ADAMTS4: variants seen among roughly 807,000 people sequenced by gnomAD.
ADAMTS4 encodes ADAM metallopeptidase with thrombospondin type 1 motif 4, also known as A disintegrin and metalloproteinase with thrombospondin motifs 4.
Under a neutral mutation model 66.7 loss-of-function variants are expected in ADAMTS4, and 38 were observed. The observed-to-expected ratio is 0.57, with a 90% CI of 0.44 to 0.75. The LOEUF is 0.75. ADAMTS4 is among the 30% of genes least tolerant of loss of function. The probability of loss-of-function intolerance (pLI) is 0.00; values close to 1 mark genes in which losing one functional copy is unlikely to be tolerated. For missense variants in ADAMTS4, 1,014 were observed against 1,116.7 expected, an observed-to-expected ratio of 0.91 and a Z score of 1.31; for synonymous variants, 418 against 461.5, an observed-to-expected ratio of 0.91 and a Z score of 1.21.
At position 161,188,042 on chromosome 1, in the gene ADAMTS4, C is replaced by G. The variant is rs1664576592; in HGVS notation, c.*3096G>C. ...TCGGCTCACTGCAACCTCCACCTCC[C>G]AGGTTCAAGCGATCCTCCTGCCTCA... On this transcript the variant is annotated 3_prime_UTR_variant, in exon 9 of 9. Coordinates refer to ENST00000367996, the MANE Select transcript of ADAMTS4 (RefSeq NM_005099.6). 6.6e-6 allele frequency: 1 copy of G among 150,990 alleles called. No homozygotes were observed. Among genetic ancestry groups the G allele is most frequent in the Admixed American group, 6.6e-5 (1 of 15,112 alleles). The allele number at this position is 150,990 out of a possible 1,614,324, so 9.4% of individuals were successfully genotyped here.
At position 161,196,802 on chromosome 1, in the gene ADAMTS4, G is replaced by T; in HGVS notation, c.712C>A (p.Leu238Ile). The T allele has an allele frequency of 2.5e-6, 4 of 1,611,910 alleles. No homozygotes were observed. The highest frequency in any genetic ancestry group is 2.5e-6 in the Non-Finnish European group (3 of 1,179,988). The change falls in exon 2 of 9, where the codon CTA (leucine) becomes ATA (isoleucine). Residue 238 changes from leucine (L) to isoleucine (I), a missense_variant. Leu to Ile is a conservative substitution (Grantham distance 5, BLOSUM62 2). Coordinates refer to ENST00000367996, the MANE Select transcript of ADAMTS4 (RefSeq NM_005099.6). Reference protein sequence around the residue: ...DKMAAFHGAGLKRYLLTVMAA... With the variant: ...DKMAAFHGAGIKRYLLTVMAA... ...ATCACTGTTAGCAGGTAGCGCTTTA[G>T]CCCCGCACCGTGGAATGCGGCCATC...
In ADAMTS4 at chr1:161,196,783, G is replaced by A. The variant is rs1398314770; in HGVS notation, c.731C>T (p.Thr244Ile). 45 of 1,612,738 alleles carry A rather than the reference G, an allele frequency of 2.8e-5. No individual in the cohort carries two copies. Among genetic ancestry groups the A allele is most frequent in the African/African-American group, 4.0e-5 (3 of 74,946 alleles). ...GGCCTTGGCTGCTGCTGCCATCACT[G>A]TTAGCAGGTAGCGCTTTAGCCCCGC... ...HGAGLKRYLL[T>I]VMAAAAKAFK... The change falls in exon 2 of 9, where the codon ACA becomes ATA. Residue 244 changes from threonine (T) to isoleucine (I), a missense_variant. Transcript: ENST00000367996.
rs1664629118 is a variant in ADAMTS4 at position 161,190,197 on chromosome 1, A to G, written c.*941T>C. On this transcript the variant is annotated 3_prime_UTR_variant, in exon 9 of 9. Coordinates refer to ENST00000367996, the MANE Select transcript of ADAMTS4 (RefSeq NM_005099.6). ...GTGAAACCCCGTCTCTACTAAAAAT[A>G]CAAAAATTAGCCGGGCGTGGTGGTA... The G allele has an allele frequency of 6.6e-6, 1 of 152,240 alleles. No homozygotes were observed. The highest frequency in any genetic ancestry group is 1.5e-5 in the Non-Finnish European group (1 of 68,068). 9.4% of individuals were successfully genotyped at this position (152,240 alleles called of 1,614,324 possible).
chr1:161,195,181 A>G (rs188673133), intron 4 of ADAMTS4, among the ~76,000 whole-genome samples: 142 of 152,300 alleles, frequency 9.3e-4, no homozygotes, highest in Middle Eastern at 3.4e-3. Flanking sequence ...CAAGGTAATC[A>G]CCTCCTTCAT....
At position 161,198,983 on chromosome 1, in the gene ADAMTS4, T is replaced by A; in HGVS notation, c.-356A>T. 4.2e-6 allele frequency: 1 copy of A among 236,554 alleles called. No individual in the cohort carries two copies. 14.7% of individuals were successfully genotyped at this position (236,554 alleles called of 1,614,324 possible). ...TGTCTCTGCCTTCTTCCGCTGTGCCTTTGTCTCTGTCTCTTTCCTCCTCTG... is the reference window on the plus strand; with the variant it reads ...TGTCTCTGCCTTCTTCCGCTGTGCCATTGTCTCTGTCTCTTTCCTCCTCTG... On this transcript the variant is annotated 5_prime_UTR_variant, in exon 1 of 9. In the 5' UTR this introduces an upstream ATG that the reference lacks. Coordinates refer to ENST00000367996, the MANE Select transcript of ADAMTS4 (RefSeq NM_005099.6). This position sits in a 1 kb window ranked among gnomAD's most constrained non-coding sequence, Gnocchi z 4.7.
Position 161,187,774 on chromosome 1 carries a change from C to T in ADAMTS4, c.*3364G>A, listed in dbSNP as rs1249165820. On this transcript the variant is annotated 3_prime_UTR_variant, in exon 9 of 9. Transcript: ENST00000367996. Reference sequence around the variant, plus strand: ...CCCATTCTTCACTCTTCCACCTCAACCTCAGGGTCTTCTTTACCTATAGTT... The same window carrying T: ...CCCATTCTTCACTCTTCCACCTCAATCTCAGGGTCTTCTTTACCTATAGTT... The T allele has an allele frequency of 1.3e-5, 2 of 152,162 alleles. No homozygotes were observed. The highest frequency in any genetic ancestry group is 4.8e-5 in the African/African-American group (2 of 41,398). 9.4% of individuals were successfully genotyped at this position (152,162 alleles called of 1,614,324 possible).
In ADAMTS4 at chr1:161,191,225, C is replaced by A. The variant is rs780587893; in HGVS notation, c.2427G>T (p.Thr809=). 1 of 1,612,646 alleles carries A rather than the reference C, an allele frequency of 6.2e-7. No individual in the cohort carries two copies. Among genetic ancestry groups the A allele is most frequent in the Non-Finnish European group, 8.5e-7 (1 of 1,179,292 alleles). ...GCCAGTCCTGGGGAGTGGGGCGTGG[C>A]GTTGAAGGGGTCGGCCGGGGCACGA... is the stretch of plus-strand genomic sequence containing the variant. The part of the protein sequence containing the change: ...SFFVPRPTPS[T]PRPTPQDWLH... The change falls in exon 9 of 9, where the codon ACG becomes ACT. Residue 809 remains threonine (T), a synonymous_variant. Coordinates refer to ENST00000367996, the MANE Select transcript of ADAMTS4 (RefSeq NM_005099.6).
rs1235425310 is a variant in ADAMTS4 at position 161,193,893 on chromosome 1, C to T, written c.1548+42G>A. ...CTCCTGGGCTTAAGGCCAGTCCCCA[C>T]ACCCCCGGGCCCTTTACCCCACCCC... On this transcript the variant is annotated intron_variant, in intron 5 of 8. Transcript: ENST00000367996. The surrounding 1 kb of genome is among the most constrained non-coding windows in gnomAD (Gnocchi z 4.4). 5.8e-6 allele frequency: 9 copies of T among 1,561,124 alleles called. No homozygotes were observed. Among genetic ancestry groups the T allele is most frequent in the South Asian group, 1.2e-5 (1 of 82,388 alleles).
Position 161,190,853 on chromosome 1 carries a change from G to A in ADAMTS4, c.*285C>T. 2.7e-6 allele frequency: 1 copy of A among 364,378 alleles called. No individual in the cohort carries two copies. The allele number at this position is 364,378 out of a possible 1,614,324, so 22.6% of individuals were successfully genotyped here. ...CTAAATAAATACAACTGGGGCCCAG[G>A]CCCTCCCTGCCTTCCCCCTCCCTCC... On this transcript the variant is annotated 3_prime_UTR_variant, in exon 9 of 9. Transcript: ENST00000367996.
At chr1:161,195,987 CAACT>C in intron 3 of ADAMTS4, 180 bp downstream of exon 3, 1 of 700,738 alleles carries the variant, frequency 1.4e-6, no homozygotes, top group Non-Finnish European at 2.2e-6. Context: ...TAGTTTCGAC[CAACT>C]AATTTATTTA....
rs1423359055 is a variant in ADAMTS4, at chr1:161,198,798, G to A, written c.-171C>T. The A allele has an allele frequency of 3.2e-6, 2 of 619,256 alleles. No individual in the cohort carries two copies. Among genetic ancestry groups the A allele is most frequent in the Non-Finnish European group, 5.3e-6 (2 of 377,698 alleles). The allele number at this position is 619,256 out of a possible 1,614,324, so 38.4% of individuals were successfully genotyped here. ...CGTTAAAGGAAATGGAGAAAACTTA[G>A]TCCTTGGGCTTGGGAGAGGTGCCCA... On this transcript the variant is annotated 5_prime_UTR_variant, in exon 1 of 9. Coordinates refer to ENST00000367996, the MANE Select transcript of ADAMTS4 (RefSeq NM_005099.6). This position sits in a 1 kb window ranked among gnomAD's most constrained non-coding sequence, Gnocchi z 4.7.
Position 161,193,074 on chromosome 1 carries a change from G to C in ADAMTS4, c.1911+139C>G. On this transcript the variant is annotated intron_variant, in intron 7 of 8. Coordinates refer to ENST00000367996, the MANE Select transcript of ADAMTS4 (RefSeq NM_005099.6). This position sits in a 1 kb window ranked among gnomAD's most constrained non-coding sequence, Gnocchi z 4.4. ...TTTCCTGATACCCATGTACAGATAAGTCTGAGTGGAATCCTGGACTGGGCT... is the reference window on the plus strand; with the variant it reads ...TTTCCTGATACCCATGTACAGATAACTCTGAGTGGAATCCTGGACTGGGCT... 3.1e-6 allele frequency: 3 copies of C among 956,720 alleles called. No homozygotes were observed. Among genetic ancestry groups the C allele is most frequent in the African/African-American group, 1.6e-5 (1 of 60,824 alleles). 59.3% of individuals were successfully genotyped at this position (956,720 alleles called of 1,614,324 possible).
At position 161,193,688 on chromosome 1, in the gene ADAMTS4, G is replaced by A. The variant is rs1664737379; in HGVS notation, c.1687C>T (p.Arg563Cys). ...RNGGKYCEGR[R>C]TRFRSCNTED... ...GTGTTGCAGGAGCGGAAGCGGGTAC[G>A]GCGGCCCTCACAGTACTTGCCACCA... Residue 563 changes from arginine (R) to cysteine (C), a missense_variant, in exon 6 of 9, where the codon CGT becomes TGT. Arg to Cys is a radical substitution (Grantham distance 180, BLOSUM62 -3). Coordinates refer to ENST00000367996, the MANE Select transcript of ADAMTS4 (RefSeq NM_005099.6). This position sits in a 1 kb window ranked among gnomAD's most constrained non-coding sequence, Gnocchi z 4.4. The A allele has an allele frequency of 2.5e-6, 4 of 1,613,844 alleles. No individual in the cohort carries two copies. Among genetic ancestry groups the A allele is most frequent in the East Asian group, 2.2e-5 (1 of 44,888 alleles).
Position 161,198,643 on chromosome 1 carries a change from G to A in ADAMTS4, c.-16C>T. 2 of 1,490,026 alleles carry A rather than the reference G, an allele frequency of 1.3e-6. No homozygotes were observed. Among genetic ancestry groups the A allele is most frequent in the Non-Finnish European group, 1.8e-6 (2 of 1,116,482 alleles). The allele number at this position is 1,490,026 out of a possible 1,614,324, so 92.3% of individuals were successfully genotyped here. A position where few individuals can be genotyped will look rare whatever the true frequency, so the allele number is the denominator to read the frequency against. ...TCTGGGACATGGCACTGGTACTGCA[G>A]CTGGGAGGGACTGAGGCCGTCTAGG... On this transcript the variant is annotated 5_prime_UTR_variant, in exon 1 of 9. Transcript: ENST00000367996. This position sits in a 1 kb window ranked among gnomAD's most constrained non-coding sequence, Gnocchi z 4.7.
rs1664621661 is a variant in ADAMTS4 at position 161,189,952 on chromosome 1, A to G, written c.*1186T>C. On this transcript the variant is annotated 3_prime_UTR_variant, in exon 9 of 9. Transcript: ENST00000367996. ...ACCGGGCGTGGTGGCTCACACCTGT[A>G]ATCCCAGCACTTTGGGAGGCCGAGG... 6.6e-6 allele frequency: 1 copy of G among 152,268 alleles called. No individual in the cohort carries two copies. 9.4% of individuals were successfully genotyped at this position (152,268 alleles called of 1,614,324 possible). A position where few individuals can be genotyped will look rare whatever the true frequency, so the allele number is the denominator to read the frequency against.
rs1186866599 is a variant in ADAMTS4 at position 161,194,230 on chromosome 1, G to A, written c.1262-9C>T. ...GTCTAAGAGACAGTGCCCTGGGAAG[G>A]GGGTTGGGGCACAAAGTCAGCAACG... On this transcript the variant is annotated splice_polypyrimidine_tract_variant and intron_variant, in intron 4 of 8. Coordinates refer to ENST00000367996, the MANE Select transcript of ADAMTS4 (RefSeq NM_005099.6). The surrounding 1 kb of genome is among the most constrained non-coding windows in gnomAD (Gnocchi z 4.1). The A allele has an allele frequency of 2.5e-6, 4 of 1,609,250 alleles. No individual in the cohort carries two copies. Among genetic ancestry groups the A allele is most frequent in the Non-Finnish European group, 3.4e-6 (4 of 1,176,310 alleles).
At position 161,196,754 on chromosome 1, in the gene ADAMTS4, T is replaced by C. The variant is rs1421370467; in HGVS notation, c.760A>G (p.Lys254Glu). 10 of 1,613,344 alleles carry C rather than the reference T, an allele frequency of 6.2e-6. No homozygotes were observed. The East Asian group carries it at 2.2e-4, about 36-fold the overall frequency. ...TVMAAAAKAF[K>E]HPSIRNPVSL... The stretch of plus-strand genomic sequence containing the variant: ...ACAGGATTGCGGATGCTTGGGTGCT[T>C]GAAGGCCTTGGCTGCTGCTGCCATC... Residue 254 changes from lysine (K) to glutamate (E), a missense_variant, in exon 2 of 9, where the codon AAG becomes GAG. By Grantham distance (56) the Lys-to-Glu change is moderately conservative. Transcript: ENST00000367996.
chr1:161,185,094 A>G lies in ADAMTS4; in HGVS notation c.*6044T>C, dbSNP rs1306592477. On this transcript the variant is annotated 3_prime_UTR_variant, in exon 9 of 9. Transcript: ENST00000367996. ...AGCATTAGGAGATATACCTAATGCT[A>G]AATGATGAGTTAATGGGTGCAGCAC... The G allele has an allele frequency of 6.6e-6, 1 of 151,690 alleles. No homozygotes were observed. The highest frequency in any genetic ancestry group is 1.5e-5 in the Non-Finnish European group (1 of 67,960). 9.4% of individuals were successfully genotyped at this position (151,690 alleles called of 1,614,324 possible). A position where few individuals can be genotyped will look rare whatever the true frequency, so the allele number is the denominator to read the frequency against.
chr1:161,194,254 CG>C lies in ADAMTS4; in HGVS notation c.1262-34del. 2 of 1,594,502 alleles carry C rather than the reference CG, an allele frequency of 1.3e-6. No individual in the cohort carries two copies. Among genetic ancestry groups the C allele is most frequent in the Non-Finnish European group, 1.7e-6 (2 of 1,166,754 alleles). ...GGGGGTTGGGGCACAAAGTCAGCAACGGGCTGAGGGGAGCATTCAGGATTGC... is the reference window on the plus strand; with the variant it reads ...GGGGGTTGGGGCACAAAGTCAGCAACGGCTGAGGGGAGCATTCAGGATTGC... On this transcript the variant is annotated intron_variant, in intron 4 of 8. Transcript: ENST00000367996. This position sits in a 1 kb window ranked among gnomAD's most constrained non-coding sequence, Gnocchi z 4.1.
Sources: allele counts gnomAD v4.1 joint callset (sites outside exome capture counted in the v4.1 genomes callset), GRCh38; gene constraint gnomAD v4.1.1; non-coding constraint Gnocchi (gnomAD v3.1); transcripts MANE v1.5; gene names NCBI Gene and HGNC (gene_info 2026-07-23, HGNC 2026-07-21).